DACH1: variants seen among roughly 807,000 people sequenced by gnomAD.
The protein encoded by DACH1 is dachshund homolog 1.
A neutral mutation model predicts 54.2 loss-of-function variants in DACH1; 12 were observed. The observed-to-expected ratio is 0.22, with a 90% CI of 0.14 to 0.36. The LOEUF (loss-of-function observed/expected upper bound fraction) is 0.36, where lower values mean the gene tolerates loss of function less well. Ranked by LOEUF, DACH1 falls within the 10% of genes least tolerant of loss-of-function variation. The probability of loss-of-function intolerance (pLI) is 1.00; values close to 1 mark genes in which losing one functional copy is unlikely to be tolerated. For missense variants in DACH1, 805 were observed against 929.8 expected, an observed-to-expected ratio of 0.87 and a Z score of 1.75; for synonymous variants, 386 against 366.2, an observed-to-expected ratio of 1.05 and a Z score of -0.62.
chr13:71,644,311 C>A (rs768387509), intron 2 of DACH1, among the ~76,000 whole-genome samples: 21 of 152,116 alleles, frequency 1.4e-4, no homozygotes, highest in Non-Finnish European at 2.6e-4. Context: ...ACACTTTTAT[C>A]TTCTTAGCTA....
chr13:71,746,453 T>A (rs1408027640), intron 1 of DACH1, among the ~76,000 whole-genome samples: 1 of 152,148 alleles, frequency 6.6e-6, no homozygotes, highest in East Asian at 1.9e-4. Flanking sequence ...AATATGTTTT[T>A]TAAATGTGGC....
At chr13:71,799,036 C>T (rs888246534) in intron 1 of DACH1, among the ~76,000 whole-genome samples, 2 of 152,010 alleles carry the variant, frequency 1.3e-5, no homozygotes, top group African/African-American at 4.8e-5. Context: ...AGAGACACAA[C>T]CTGTTTTGAG....
chr13:71,684,699 A>G (rs1298989443), intron 1 of DACH1, among the ~76,000 whole-genome samples: 2 of 152,154 alleles, frequency 1.3e-5, no homozygotes, highest in Non-Finnish European at 2.9e-5. Context: ...TCCCAAGGCT[A>G]CTTGACAGAA....
intron 6 of DACH1, among the ~76,000 whole-genome samples, chr13:71,497,408 G>A (rs147973669): frequency 4.0e-5 from 6 of 151,478 alleles, no homozygotes; most frequent in African/African-American, 9.7e-5. Flanking sequence ...CTCGGCTCAC[G>A]GCAACCTCTG....
intron 6 of DACH1, among the ~76,000 whole-genome samples, chr13:71,501,658 T>A (rs556307037): frequency 6.6e-6 from 1 of 152,094 alleles, no homozygotes; most frequent in Non-Finnish European, 1.5e-5. Flanking sequence ...ATATTTGAAA[T>A]TTTCAATAAT....
At chr13:71,454,929 C>A (rs1419445179) in intron 10 of DACH1, among the ~76,000 whole-genome samples, 1 of 152,176 alleles carries the variant, frequency 6.6e-6, no homozygotes, top group African/African-American at 2.4e-5. Flanking sequence ...AAAAGATGTT[C>A]TGGTCAATGT....
chr13:71,824,575 AG>A (rs1195624945), intron 1 of DACH1, among the ~76,000 whole-genome samples: 3 of 138,984 alleles, frequency 2.2e-5, no homozygotes, highest in African/African-American at 7.4e-5. Context: ...GAGAGAGGGA[AG>A]GGATGATATT....
intron 2 of DACH1, among the ~76,000 whole-genome samples, chr13:71,652,092 C>A (rs985577992): frequency 1.3e-5 from 2 of 152,016 alleles, no homozygotes; most frequent in African/African-American, 4.8e-5. Context: ...ACATAGGTAC[C>A]TAATAAATGC....
At chr13:71,709,961 C>T (rs1360642180) in intron 1 of DACH1, among the ~76,000 whole-genome samples, 1 of 152,134 alleles carries the variant, frequency 6.6e-6, no homozygotes, top group African/African-American at 2.4e-5. Flanking sequence ...GATCCTTCCA[C>T]CTTAACCTCC....
intron 3 of DACH1, among the ~76,000 whole-genome samples, chr13:71,585,477 A>G (rs1873176328): frequency 6.6e-6 from 1 of 152,112 alleles, no homozygotes. Flanking sequence ...TGAATTTGGA[A>G]GATGTTTGCA....
At chr13:71,761,519 A>AT (rs1317977730) in intron 1 of DACH1, among the ~76,000 whole-genome samples, 2 of 152,180 alleles carry the variant, frequency 1.3e-5, no homozygotes, top group Non-Finnish European at 2.9e-5. Context: ...AGTGAGGAAT[A>AT]TTTGCATTTT....
intron 1 of DACH1, among the ~76,000 whole-genome samples, chr13:71,754,606 G>A (rs1347438830): frequency 6.6e-6 from 1 of 152,086 alleles, no homozygotes; most frequent in African/African-American, 2.4e-5. Flanking sequence ...ACCATTCTCT[G>A]GGCCAGTGAT....
chr13:71,575,303 G>A lies in DACH1; in HGVS notation c.1127-2291C>T, dbSNP rs139057114. ...ATTTAAAATCTTCAACAAATGTAACGATTACATTTTCATAGTAGAGTGCAT... is the reference window on the plus strand; with the variant it reads ...ATTTAAAATCTTCAACAAATGTAACAATTACATTTTCATAGTAGAGTGCAT... On this transcript the variant is annotated intron_variant, in intron 3 of 10. Transcript: ENST00000613252. 1.2e-3 allele frequency among the ~76,000 whole-genome samples: 187 copies of A among 151,732 alleles called. 2 individuals carry two copies. In the East Asian group the frequency reaches 0.028, roughly 23 times the overall value.
chr13:71,751,921 C>G (rs905950923), intron 1 of DACH1, among the ~76,000 whole-genome samples: 1 of 152,054 alleles, frequency 6.6e-6, no homozygotes, highest in African/African-American at 2.4e-5. Context: ...TGTGTGAATT[C>G]TACTATTATG....
At chr13:71,472,866 T>G (rs1415238675) in intron 10 of DACH1, among the ~76,000 whole-genome samples, 1 of 152,244 alleles carries the variant, frequency 6.6e-6, no homozygotes, top group Non-Finnish European at 1.5e-5. Context: ...TTTCTTTGAT[T>G]GCTTTTGTTC....
intron 3 of DACH1, among the ~76,000 whole-genome samples, chr13:71,592,494 CAAAAAAAAAAAAA>C (rs575364116): frequency 3.9e-3 from 128 of 32,796 alleles, no homozygotes; most frequent in African/African-American, 0.014. Flanking sequence ...GACTCTATCT[CAAAAAAAAAAAAA>C]AAAAAAAAAA....
chr13:71,468,238 T>C (rs1876769314), intron 10 of DACH1, among the ~76,000 whole-genome samples: 1 of 152,182 alleles, frequency 6.6e-6, no homozygotes, highest in African/African-American at 2.4e-5. Context: ...GTAGTAAATA[T>C]ATTGTAATAA....
chr13:71,540,026 G>C (rs2138327866), intron 6 of DACH1, among the ~76,000 whole-genome samples: 1 of 151,956 alleles, frequency 6.6e-6, no homozygotes, highest in Non-Finnish European at 1.5e-5. Flanking sequence ...TCATTGGCAT[G>C]AGATAAACTT....
Position 71,830,652 on chromosome 13 carries a change from A to C in DACH1, c.848+35270T>G, listed in dbSNP as rs530359197. Among the ~76,000 whole-genome samples the C allele has an allele frequency of 4.6e-5, 7 of 151,956 alleles. No individual in the cohort carries two copies. In the South Asian group the frequency reaches 1.5e-3, roughly 32 times the overall value. ...CCTTCGAGAGCCAGAATTCCCTTTC[A>C]CGTTCATCTCTGCTCAAGAAAGTAA... is the stretch of plus-strand genomic sequence containing the variant. On this transcript the variant is annotated intron_variant, in intron 1 of 10. Coordinates refer to ENST00000613252, the MANE Select transcript of DACH1 (RefSeq NM_080759.6).
Sources: gnomAD v4.1 joint callset for allele counts (sites outside exome capture counted in the v4.1 genomes callset) on GRCh38, gnomAD v4.1.1 for gene constraint, MANE v1.5 for transcripts, NCBI Gene and HGNC (gene_info 2026-07-23, HGNC 2026-07-21) for gene names.